The following STXBP6 variants were observed in gnomAD, a reference collection of about 807,000 sequenced individuals.
The protein encoded by STXBP6 is syntaxin binding protein 6.
STXBP6 carries 21 observed loss-of-function variants against 26.9 expected under a neutral mutation model. The observed-to-expected ratio is 0.78, with a 90% CI of 0.55 to 1.12. STXBP6 has a LOEUF of 1.12. Ranked by LOEUF, STXBP6 falls within the 50% of genes most tolerant of loss-of-function variation. The probability of loss-of-function intolerance (pLI) is 0.00; values close to 1 mark genes in which losing one functional copy is unlikely to be tolerated. For missense variants in STXBP6, 232 were observed against 257.9 expected, an observed-to-expected ratio of 0.90 and a Z score of 0.69; for synonymous variants, 97 against 92.6, an observed-to-expected ratio of 1.05 and a Z score of -0.27.
chr14:24,921,966 C>A (rs2071995090), intron 2 of STXBP6, among the ~76,000 whole-genome samples: 1 of 151,986 alleles, frequency 6.6e-6, no homozygotes, highest in African/African-American at 2.4e-5. Context: ...AGTGGACTCC[C>A]ATATTCCTCA....
chr14:24,899,736 G>A (rs544403970), intron 2 of STXBP6, among the ~76,000 whole-genome samples: 3 of 138,492 alleles, frequency 2.2e-5, no homozygotes, highest in African/African-American at 5.5e-5. Context: ...AGCCGAGATC[G>A]TGCCACCGCA....
At chr14:24,868,794 G>T (rs1384514901) in intron 2 of STXBP6, among the ~76,000 whole-genome samples, 4 of 152,192 alleles carry the variant, frequency 2.6e-5, no homozygotes, top group Non-Finnish European at 5.9e-5. Context: ...GAGGGTAGTA[G>T]TAAAAACAGA....
intron 1 of STXBP6, among the ~76,000 whole-genome samples, chr14:25,031,365 T>C (rs1435195919): frequency 6.6e-6 from 1 of 152,170 alleles, no homozygotes; most frequent in Non-Finnish European, 1.5e-5. Flanking sequence ...ATGGTAGAAT[T>C]GTACTGCCTC....
At chr14:25,017,153 G>A (rs1284535175) in intron 1 of STXBP6, among the ~76,000 whole-genome samples, 1 of 152,164 alleles carries the variant, frequency 6.6e-6, no homozygotes, top group Non-Finnish European at 1.5e-5. Context: ...AGAATTCTTG[G>A]AAAATAAACA....
intron 2 of STXBP6, among the ~76,000 whole-genome samples, chr14:24,908,639 C>G (rs78756959): frequency 0.042 from 6,270 of 149,352 alleles, 440 homozygotes; most frequent in African/African-American, 0.14. Flanking sequence ...CTGGAAAGCT[C>G]TTTCTCAGGT....
chr14:24,889,600 C>T (rs1021411578), intron 2 of STXBP6, among the ~76,000 whole-genome samples: 3 of 150,852 alleles, frequency 2.0e-5, no homozygotes, highest in Non-Finnish European at 4.4e-5. Context: ...AAAGAATACC[C>T]AGAAAAGAAA....
intron 2 of STXBP6, among the ~76,000 whole-genome samples, chr14:24,893,836 T>C (rs966812450): frequency 1.3e-5 from 2 of 152,232 alleles, no homozygotes; most frequent in African/African-American, 4.8e-5. Context: ...AACAGCTAGC[T>C]TTACAGTAAA....
Position 25,022,375 on chromosome 14 carries a change from C to T in STXBP6, c.-33+27503G>A, listed in dbSNP as rs565724197. Among the ~76,000 whole-genome samples, 8 of 152,278 alleles carry T rather than the reference C, an allele frequency of 5.3e-5. No homozygotes were observed. In the South Asian group the frequency reaches 1.7e-3, roughly 32 times the overall value. ...TCTTCCTAGAGTTCCCCCATAGGCT[C>T]AGAATTCCCTGTGATTGGGCCAACT... On this transcript the variant is annotated intron_variant, in intron 1 of 5. Transcript: ENST00000323944.
intron 1 of STXBP6, among the ~76,000 whole-genome samples, chr14:24,991,632 T>C (rs1015684801): frequency 7.2e-5 from 11 of 152,226 alleles, no homozygotes; most frequent in African/African-American, 2.4e-4. Context: ...AAGATGACTT[T>C]TGTCTTTTAC....
At chr14:24,824,300 T>C (rs1001055235) in intron 4 of STXBP6, among the ~76,000 whole-genome samples, 1 of 152,208 alleles carries the variant, frequency 6.6e-6, no homozygotes, top group African/African-American at 2.4e-5. Flanking sequence ...TGAGTGGCTC[T>C]ACTTCTGCCC....
chr14:24,864,104 T>G (rs537749525), intron 2 of STXBP6, among the ~76,000 whole-genome samples: 1 of 152,222 alleles, frequency 6.6e-6, no homozygotes, highest in Admixed American at 6.5e-5. Context: ...TCTTACTTCC[T>G]CAATTCTAGA....
chr14:24,970,192 G>A (rs1402346294), intron 2 of STXBP6, among the ~76,000 whole-genome samples: 2 of 151,066 alleles, frequency 1.3e-5, no homozygotes, highest in Non-Finnish European at 2.9e-5. Context: ...AGTGAGCTGA[G>A]ATCACGCCAC....
At chr14:24,939,705 T>C (rs530460919) in intron 2 of STXBP6, among the ~76,000 whole-genome samples, 10 of 152,344 alleles carry the variant, frequency 6.6e-5, no homozygotes, top group African/African-American at 2.4e-4. Flanking sequence ...AATAGCCACA[T>C]GGAAAACTAC....
At chr14:24,913,774 A>C (rs1446847104) in intron 2 of STXBP6, among the ~76,000 whole-genome samples, 1 of 152,114 alleles carries the variant, frequency 6.6e-6, no homozygotes, top group Admixed American at 6.5e-5. Context: ...CTTTGGAAAA[A>C]CCCTGCTACT....
At chr14:24,902,166 G>T (rs941779074) in intron 2 of STXBP6, among the ~76,000 whole-genome samples, 1 of 152,148 alleles carries the variant, frequency 6.6e-6, no homozygotes, top group Non-Finnish European at 1.5e-5. Context: ...AAGGATGAGT[G>T]CAATGATTTA....
At chr14:24,906,371 GCCATTT>G (rs1481187211) in intron 2 of STXBP6, among the ~76,000 whole-genome samples, 1 of 152,060 alleles carries the variant, frequency 6.6e-6, no homozygotes, top group Admixed American at 6.6e-5. Context: ...TTTATACGAG[GCCATTT>G]TAATAATTTT....
Position 24,856,070 on chromosome 14 carries a change from TTTTCAA to T in STXBP6, c.311_316del (p.Phe104_Asn106delinsTyr), listed in dbSNP as rs1333357778. ...GCTGGCTACCCACTGGTCAAAAGCA[TTTTCAA>T]ACAACAAATCAAACTCTGCCGAATC... On this transcript the variant is annotated inframe_deletion, in exon 4 of 6. Transcript: ENST00000323944. 23 of 1,604,574 alleles carry T rather than the reference TTTTCAA, an allele frequency of 1.4e-5. No individual in the cohort carries two copies. The highest frequency in any genetic ancestry group is 1.8e-5 in the Non-Finnish European group (21 of 1,176,438).
At chr14:24,985,687 G>A (rs2074312752) in intron 1 of STXBP6, among the ~76,000 whole-genome samples, 1 of 152,164 alleles carries the variant, frequency 6.6e-6, no homozygotes, top group Admixed American at 6.5e-5. Flanking sequence ...TTACTTTACG[G>A]AGAAGGATCT....
chr14:24,941,644 G>C (rs2072806779), intron 2 of STXBP6, among the ~76,000 whole-genome samples: 1 of 152,144 alleles, frequency 6.6e-6, no homozygotes, highest in Non-Finnish European at 1.5e-5. Context: ...CTTCTGTCCT[G>C]GGGCCAAGGG....
Sources: gnomAD v4.1 joint callset for allele counts (sites outside exome capture counted in the v4.1 genomes callset) on GRCh38, gnomAD v4.1.1 for gene constraint, MANE v1.5 for transcripts, NCBI Gene and HGNC (gene_info 2026-07-23, HGNC 2026-07-21) for gene names.